MACROD2: variants seen among roughly 807,000 people sequenced by gnomAD.
MACROD2 encodes ADP-ribose glycohydrolase MACROD2.
Under a neutral mutation model 70.4 loss-of-function variants are expected in MACROD2, and 36 were observed. The observed-to-expected ratio is 0.51, with a 90% CI of 0.39 to 0.68. The LOEUF (loss-of-function observed/expected upper bound fraction) is 0.68, where lower values mean the gene tolerates loss of function less well. Ranked by LOEUF, MACROD2 falls within the 30% of genes least tolerant of loss-of-function variation. The pLI, the probability that MACROD2 is intolerant of heterozygous loss-of-function variation, is 0.00. For missense variants in MACROD2, 496 were observed against 538.4 expected (o/e 0.92, Z 0.78); for synonymous variants, 172 against 178.8 (o/e 0.96, Z 0.30).
chr20:15,914,508 A>G (rs538279341), intron 10 of MACROD2, among the ~76,000 whole-genome samples: 1 of 152,336 alleles, frequency 6.6e-6, no homozygotes, highest in African/African-American at 2.4e-5. Flanking sequence ...CAAGTGTAGC[A>G]TACACCTTTC....
chr20:15,318,093 A>G, intron 6 of MACROD2, among the ~76,000 whole-genome samples: 1 of 152,174 alleles, frequency 6.6e-6, no homozygotes. Flanking sequence ...AGTTGCACTT[A>G]ACTGAAATCA....
intron 10 of MACROD2, chr20:15,893,006 C>A (rs1485539587): frequency 7.5e-6 from 3 of 398,866 alleles, no homozygotes; most frequent in Non-Finnish European, 1.3e-5. Flanking sequence ...AAGACTCTAG[C>A]GAGGGTAAGT....
intron 5 of MACROD2, among the ~76,000 whole-genome samples, chr20:14,854,606 A>G (rs1009376087): frequency 3.3e-5 from 5 of 152,210 alleles, no homozygotes; most frequent in African/African-American, 7.2e-5. Context: ...AGTTCATTAA[A>G]AAACAAAAAC....
chr20:15,389,429 G>A (rs958021383), intron 6 of MACROD2, among the ~76,000 whole-genome samples: 2 of 152,134 alleles, frequency 1.3e-5, no homozygotes, highest in African/African-American at 4.8e-5. Context: ...ATTACAGAAA[G>A]AAAAATTTAA....
At chr20:15,770,850 A>G (rs1395112631) in intron 8 of MACROD2, among the ~76,000 whole-genome samples, 1 of 152,074 alleles carries the variant, frequency 6.6e-6, no homozygotes, top group Non-Finnish European at 1.5e-5. Context: ...AAACAATACA[A>G]ACATAGGTCC....
intron 5 of MACROD2, among the ~76,000 whole-genome samples, chr20:14,931,877 C>T (rs1234214038): frequency 6.6e-6 from 1 of 151,732 alleles, no homozygotes; most frequent in Non-Finnish European, 1.5e-5. Flanking sequence ...ATGCACATGC[C>T]TGTAATCCCA....
intron 8 of MACROD2, among the ~76,000 whole-genome samples, chr20:15,654,816 C>A (rs976604809): frequency 2.6e-5 from 4 of 152,206 alleles, no homozygotes; most frequent in African/African-American, 9.7e-5. Flanking sequence ...TCCTAAATAA[C>A]CTGCCACAGA....
intron 8 of MACROD2, among the ~76,000 whole-genome samples, chr20:15,546,969 C>T (rs1284156238): frequency 6.6e-6 from 1 of 152,132 alleles, no homozygotes; most frequent in Non-Finnish European, 1.5e-5. Flanking sequence ...TATTACTTCC[C>T]ATCTCCTTTA....
intron 6 of MACROD2, among the ~76,000 whole-genome samples, chr20:15,245,070 C>A (rs77249529): frequency 6.6e-6 from 1 of 152,246 alleles, no homozygotes; most frequent in East Asian, 1.9e-4. Flanking sequence ...AACCATTCAA[C>A]ATGGTAGTGT....
At chr20:15,706,517 G>A (rs1568985421) in intron 8 of MACROD2, among the ~76,000 whole-genome samples, 1 of 152,182 alleles carries the variant, frequency 6.6e-6, no homozygotes, top group Non-Finnish European at 1.5e-5. Flanking sequence ...TCTCTAGATT[G>A]TTAAATTAAG....
chr20:14,701,948 T>C (rs888231610), intron 5 of MACROD2, among the ~76,000 whole-genome samples: 10 of 152,134 alleles, frequency 6.6e-5, no homozygotes, highest in African/African-American at 2.4e-4. Flanking sequence ...ACAACTTTCC[T>C]AAGATCTCAT....
At chr20:15,195,491 G>C (rs2076599961) in intron 5 of MACROD2, among the ~76,000 whole-genome samples, 2 of 152,074 alleles carry the variant, frequency 1.3e-5, no homozygotes, top group Non-Finnish European at 2.9e-5. Flanking sequence ...AGTTCAACAT[G>C]ACTGGTCATT....
At chr20:14,149,852 G>A (rs568521745) in intron 3 of MACROD2, among the ~76,000 whole-genome samples, 1 of 152,134 alleles carries the variant, frequency 6.6e-6, no homozygotes, top group East Asian at 1.9e-4. Context: ...TTTCTTAAGA[G>A]TATTGCCTTT....
intron 6 of MACROD2, among the ~76,000 whole-genome samples, chr20:15,412,782 G>T (rs1448155000): frequency 6.6e-6 from 1 of 152,076 alleles, no homozygotes. Context: ...AGTGGGTCTG[G>T]CCTGTGTAAT....
chr20:14,023,524 A>C (rs2053116771), intron 2 of MACROD2, among the ~76,000 whole-genome samples: 1 of 152,022 alleles, frequency 6.6e-6, no homozygotes, highest in African/African-American at 2.4e-5. Context: ...TAGGGTTTTT[A>C]TGGTTTTAGG....
intron 6 of MACROD2, among the ~76,000 whole-genome samples, chr20:15,344,209 A>T (rs2078139483): frequency 6.6e-6 from 1 of 152,272 alleles, no homozygotes; most frequent in East Asian, 1.9e-4. Context: ...CTCCCCAAGG[A>T]ACAGGCTCTT....
intron 8 of MACROD2, among the ~76,000 whole-genome samples, chr20:15,602,135 G>A (rs1735241711): frequency 6.6e-6 from 1 of 152,180 alleles, no homozygotes; most frequent in Non-Finnish European, 1.5e-5. Flanking sequence ...ACTGAAGAAT[G>A]TAGACCCCAA....
intron 5 of MACROD2, among the ~76,000 whole-genome samples, chr20:14,881,000 AGCCTGTGTAAT>A (rs2073605122): frequency 6.6e-6 from 1 of 152,130 alleles, no homozygotes; most frequent in Non-Finnish European, 1.5e-5. Context: ...CTTTGTCACT[AGCCTGTGTAAT>A]GCCTGTGCAT....
intron 3 of MACROD2, among the ~76,000 whole-genome samples, chr20:14,097,119 C>G (rs1482349371): frequency 1.3e-5 from 2 of 152,110 alleles, no homozygotes; most frequent in African/African-American, 2.4e-5. Context: ...TAGGTGTGTA[C>G]TGTAATTTAA....
Sources: allele counts gnomAD v4.1 joint callset (sites outside exome capture counted in the v4.1 genomes callset), GRCh38; gene constraint gnomAD v4.1.1; transcripts MANE v1.5; gene names NCBI Gene and HGNC (gene_info 2026-07-23, HGNC 2026-07-21).